LRRIQ1: variants seen among roughly 807,000 people sequenced by gnomAD.
LRRIQ1 encodes the protein leucine-rich repeat- and IQ domain-containing protein 1.
LRRIQ1 carries 210 observed loss-of-function variants against 211.9 expected under a neutral mutation model. The ratio of observed to expected loss-of-function variants is 0.99; its 90% CI spans 0.89 to 1.11. The LOEUF is 1.11. Among genes scored for constraint, LRRIQ1 ranks in the 50% most tolerant of loss-of-function variants. The pLI is 0.00. For synonymous variants in LRRIQ1, 699 were observed against 650.1 expected (o/e 1.08, Z -1.14); for missense variants, 2,136 against 1,939.5 (o/e 1.10, Z -1.90).
chr12:85,138,687 C>G (rs541322137), intron 19 of LRRIQ1, among the ~76,000 whole-genome samples: 2 of 151,376 alleles, frequency 1.3e-5, no homozygotes, highest in Non-Finnish European at 3.0e-5. Flanking sequence ...CCGTAAAGGT[C>G]ATATGATATA....
rs934637173 is a variant in LRRIQ1, at chr12:85,245,053, T to C, written c.*112T>C. ...AAAATGTGTATTTAAATTTTTTCTTTCTTTAAATATCCTCTTTTGATATAA... is the reference window on the plus strand; with the variant it reads ...AAAATGTGTATTTAAATTTTTTCTTCCTTTAAATATCCTCTTTTGATATAA... On this transcript the variant is annotated 3_prime_UTR_variant, in exon 27 of 27. Transcript: ENST00000393217. 1 of 1,391,272 alleles carries C rather than the reference T, an allele frequency of 7.2e-7. No homozygotes were observed. The highest frequency in any genetic ancestry group is 1.5e-5 in the African/African-American group (1 of 67,738). 86.2% of individuals were successfully genotyped at this position (1,391,272 alleles called of 1,614,324 possible).
intron 25 of LRRIQ1, among the ~76,000 whole-genome samples, chr12:85,230,114 A>T (rs557707907): frequency 1.1e-4 from 17 of 152,292 alleles, no homozygotes; most frequent in South Asian, 1.0e-3. Context: ...AATAATTCTA[A>T]CTCATGGCGT....
chr12:85,258,339 T>C (rs1326939339), intron 1 of LRRIQ1, among the ~76,000 whole-genome samples: 1 of 151,862 alleles, frequency 6.6e-6, no homozygotes, highest in Non-Finnish European at 1.5e-5. Context: ...CATGGTTCAA[T>C]TGGGATTTGG....
At chr12:85,122,542 G>C (rs1888062039) in intron 16 of LRRIQ1, among the ~76,000 whole-genome samples, 1 of 152,094 alleles carries the variant, frequency 6.6e-6, no homozygotes, top group South Asian at 2.1e-4. Context: ...AGATGATTTT[G>C]TATTGTTTCA....
At chr12:85,178,877 G>A (rs185870770) in intron 24 of LRRIQ1, among the ~76,000 whole-genome samples, 1 of 150,634 alleles carries the variant, frequency 6.6e-6, no homozygotes, top group Non-Finnish European at 1.5e-5. Flanking sequence ...ATGAATATAG[G>A]GATACAAAAA....
intron 24 of LRRIQ1, chr12:85,162,929 GT>G (rs570569960): frequency 6.2e-4 from 226 of 364,898 alleles, no homozygotes; most frequent in African/African-American, 3.5e-3. Context: ...TTATATGGAA[GT>G]TTTTTTTAAC....
intron 10 of LRRIQ1, among the ~76,000 whole-genome samples, chr12:85,071,847 G>A (rs967776627): frequency 1.3e-5 from 2 of 151,944 alleles, no homozygotes; most frequent in Non-Finnish European, 2.9e-5. Context: ...AAACAGTATG[G>A]AGGAAACTTC....
At position 85,066,793 on chromosome 12, in the gene LRRIQ1, T is replaced by A. The variant is rs916157455; in HGVS notation, c.2590T>A (p.Cys864Ser). The change falls in exon 10 of 27, where the codon TGT (cysteine) becomes AGT (serine). Residue 864 changes from cysteine (C) to serine (S), a missense_variant. Transcript: ENST00000393217. ...TGAGTGTGAAAATTTGGAAAATCTC[T>A]GTGTTGTTCTTCTTAATAAAAATCA... The part of the protein sequence containing the change: ...AIECENLENL[C>S]VVLLNKNQLT... The A allele has an allele frequency of 1.3e-6, 2 of 1,599,956 alleles. No individual in the cohort carries two copies. Among genetic ancestry groups the A allele is most frequent in the Admixed American group, 1.7e-5 (1 of 57,568 alleles).
At chr12:85,100,615 A>G (rs1430238784) in intron 13 of LRRIQ1, among the ~76,000 whole-genome samples, 1 of 151,730 alleles carries the variant, frequency 6.6e-6, no homozygotes, top group Non-Finnish European at 1.5e-5. Flanking sequence ...AAATTATTGT[A>G]TAATATATGT....
At chr12:85,230,771 C>A (rs1894895287) in intron 25 of LRRIQ1, among the ~76,000 whole-genome samples, 2 of 152,132 alleles carry the variant, frequency 1.3e-5, no homozygotes. Context: ...TAAGCTTGGC[C>A]GGGCGCGGTG....
rs537529428 is a variant in LRRIQ1, at chr12:85,195,901, C to T, written c.4823-33616C>T. Among the ~76,000 whole-genome samples, 750 of 150,474 alleles carry T rather than the reference C, an allele frequency of 5.0e-3. 6 individuals are homozygous for T. Among genetic ancestry groups the T allele is most frequent in the Non-Finnish European group, 9.0e-3 (601 of 66,986 alleles). ...AAGTCAAATTGTCCCTGTTTGCAGA[C>T]GACGTGATTGTATATCTAGAAAACC... On this transcript the variant is annotated intron_variant, in intron 24 of 26. Coordinates refer to ENST00000393217, the MANE Select transcript of LRRIQ1 (RefSeq NM_001079910.2).
intron 23 of LRRIQ1, 58 bp downstream of exon 23, chr12:85,154,152 TTTAAAATA>T (rs1386956915): frequency 6.7e-6 from 6 of 895,184 alleles, no homozygotes; most frequent in Middle Eastern, 3.7e-4. Flanking sequence ...AGATAACTTC[TTTAAAATA>T]TATTTTATAA....
At chr12:85,041,470 T>C (rs1338161435) in intron 3 of LRRIQ1, among the ~76,000 whole-genome samples, 2 of 151,462 alleles carry the variant, frequency 1.3e-5, no homozygotes, top group Admixed American at 1.3e-4. Context: ...GGAAGGTCTC[T>C]GTGACAAGGT....
At chr12:85,217,114 T>C (rs1185987773) in intron 24 of LRRIQ1, among the ~76,000 whole-genome samples, 1 of 151,790 alleles carries the variant, frequency 6.6e-6, no homozygotes, top group African/African-American at 2.4e-5. Flanking sequence ...TATCAGAAAC[T>C]TATCTATATA....
At chr12:85,266,364 G>A (rs1443096015), downstream of LRRIQ1, among the ~76,000 whole-genome samples, 1 of 152,070 alleles carries the variant, frequency 6.6e-6, no homozygotes, top group Non-Finnish European at 1.5e-5. Context: ...GCCAACAGCA[G>A]TCGCGTAAGT....
chr12:85,117,784 T>C (rs1887687943), intron 15 of LRRIQ1, among the ~76,000 whole-genome samples: 1 of 152,184 alleles, frequency 6.6e-6, no homozygotes, highest in Admixed American at 6.5e-5. Context: ...CCAGTACACT[T>C]TATTGTCACA....
chr12:85,188,629 A>G (rs1892343969), intron 24 of LRRIQ1, among the ~76,000 whole-genome samples: 1 of 152,142 alleles, frequency 6.6e-6, no homozygotes, highest in African/African-American at 2.4e-5. Context: ...TGATTGTTAC[A>G]TAGCTACTTC....
chr12:85,087,361 G>A (rs1884936216), intron 11 of LRRIQ1, among the ~76,000 whole-genome samples: 1 of 152,142 alleles, frequency 6.6e-6, no homozygotes, highest in African/African-American at 2.4e-5. Context: ...CATTTGGGTT[G>A]GTTCCAAGTC....
At chr12:85,192,363 C>T (rs1892561434) in intron 24 of LRRIQ1, among the ~76,000 whole-genome samples, 1 of 139,182 alleles carries the variant, frequency 7.2e-6, no homozygotes, top group South Asian at 2.1e-4. Flanking sequence ...GCTCTGTACT[C>T]TTCCGTTATA....
Sources: allele counts gnomAD v4.1 joint callset (sites outside exome capture counted in the v4.1 genomes callset), GRCh38; gene constraint gnomAD v4.1.1; transcripts MANE v1.5; gene names NCBI Gene and HGNC (gene_info 2026-07-23, HGNC 2026-07-21).